Variants in PCSK5 observed in about 807,000 individuals in gnomAD.
PCSK5 encodes the protein proprotein convertase subtilisin/kexin type 5, also known as prohormone convertase 5.
In PCSK5, 129 loss-of-function variants were observed where a neutral mutation model predicts 233.2. That is an observed-to-expected ratio of 0.55 (90% CI 0.48 to 0.64). The LOEUF (loss-of-function observed/expected upper bound fraction) is 0.64. Ranked by LOEUF, PCSK5 falls within the 30% of genes least tolerant of loss-of-function variation. The probability of loss-of-function intolerance (pLI) is 0.00; values close to 1 mark genes in which losing one functional copy is unlikely to be tolerated. For missense variants in PCSK5, 2,076 were observed against 2,430.1 expected (o/e 0.85, Z 3.06); for synonymous variants, 825 against 879.2 (o/e 0.94, Z 1.09).
At chr9:76,000,881 G>T (rs1827231724) in intron 3 of PCSK5, among the ~76,000 whole-genome samples, 1 of 150,622 alleles carries the variant, frequency 6.6e-6, no homozygotes, top group South Asian at 2.1e-4. Flanking sequence ...TGTGTTCCAG[G>T]CCTGGAATCA....
At chr9:76,046,160 GTTTTTTTTTTTTTTTTTTTTT>G (rs71372041) in intron 5 of PCSK5, among the ~76,000 whole-genome samples, 2 of 58,024 alleles carry the variant, frequency 3.4e-5, no homozygotes, top group Admixed American at 2.6e-4. Context: ...TTTTTCTTTT[GTTTTTTTTTTTTTTTTTTTTT>G]TTTTTTTTTT....
chr9:76,078,555 C>G (rs899565859), intron 7 of PCSK5, among the ~76,000 whole-genome samples: 1 of 152,006 alleles, frequency 6.6e-6, no homozygotes, highest in South Asian at 2.1e-4. Context: ...ATTACTTATC[C>G]CAGCGCCATT....
At chr9:76,144,360 A>G (rs1823353880) in intron 10 of PCSK5, among the ~76,000 whole-genome samples, 1 of 152,218 alleles carries the variant, frequency 6.6e-6, no homozygotes, top group African/African-American at 2.4e-5. Context: ...GTGCAATTCT[A>G]TGCATCTTAG....
chr9:76,114,269 C>A (rs562717282), intron 9 of PCSK5, among the ~76,000 whole-genome samples: 4 of 152,116 alleles, frequency 2.6e-5, no homozygotes, highest in Non-Finnish European at 4.4e-5. Context: ...GATGTACTGT[C>A]CTGAACTATT....
intron 9 of PCSK5, among the ~76,000 whole-genome samples, chr9:76,110,041 C>A (rs1202754399): frequency 6.6e-6 from 1 of 152,196 alleles, no homozygotes. Context: ...CCACCCCTTG[C>A]AATCTCCTCT....
chr9:76,158,920 A>C, intron 11 of PCSK5, 63 bp from the exon 12 acceptor site: 1 of 1,360,342 alleles, frequency 7.4e-7, no homozygotes. Flanking sequence ...CCATGCCTCC[A>C]GGTTCACTCA....
At chr9:75,928,055 CAG>C (rs1255291263) in intron 1 of PCSK5, among the ~76,000 whole-genome samples, 2 of 152,096 alleles carry the variant, frequency 1.3e-5, no homozygotes, top group African/African-American at 4.8e-5. Context: ...AAAAACTTGA[CAG>C]AATTAGGAAC....
intron 5 of PCSK5, among the ~76,000 whole-genome samples, chr9:76,040,741 A>C (rs1829083382): frequency 6.6e-6 from 1 of 152,178 alleles, no homozygotes; most frequent in East Asian, 1.9e-4. Context: ...TAGTGTTTAT[A>C]AGCAATAAAC....
intron 24 of PCSK5, among the ~76,000 whole-genome samples, chr9:76,284,904 T>C (rs1828014518): frequency 6.6e-6 from 1 of 152,162 alleles, no homozygotes; most frequent in Non-Finnish European, 1.5e-5. Flanking sequence ...ACTAATACAT[T>C]CATGCACTAG....
intron 20 of PCSK5, among the ~76,000 whole-genome samples, chr9:76,196,400 T>C (rs184720804): frequency 5.3e-5 from 8 of 152,360 alleles, no homozygotes; most frequent in Admixed American, 3.3e-4. Flanking sequence ...GATTTTTGTC[T>C]AAAATAAATC....
At chr9:75,895,741 T>C (rs761222977) in intron 1 of PCSK5, among the ~76,000 whole-genome samples, 1 of 152,188 alleles carries the variant, frequency 6.6e-6, no homozygotes, top group Non-Finnish European at 1.5e-5. Flanking sequence ...TTATTTTTTA[T>C]TCTGAGTGTA....
intron 5 of PCSK5, among the ~76,000 whole-genome samples, chr9:76,056,538 T>C (rs939465597): frequency 4.6e-5 from 7 of 152,238 alleles, no homozygotes; most frequent in Admixed American, 2.6e-4. Context: ...CTTTCTCATC[T>C]GATTTTCCAT....
At chr9:76,262,099 T>C (rs1232569869) in intron 24 of PCSK5, among the ~76,000 whole-genome samples, 3 of 152,202 alleles carry the variant, frequency 2.0e-5, no homozygotes, top group Non-Finnish European at 4.4e-5. Flanking sequence ...TCAAAGGGAA[T>C]GCTTCTAGCT....
chr9:75,984,374 C>T (rs559891444), intron 2 of PCSK5, among the ~76,000 whole-genome samples: 3 of 152,238 alleles, frequency 2.0e-5, no homozygotes, highest in South Asian at 4.2e-4. Flanking sequence ...TGATACTTTC[C>T]GGTTTATGCA....
At chr9:76,046,553 C>CT (rs1450481506) in intron 5 of PCSK5, among the ~76,000 whole-genome samples, 5 of 117,868 alleles carry the variant, frequency 4.2e-5, no homozygotes, top group Admixed American at 2.5e-4. Context: ...TTTTTTCTTT[C>CT]TTTTTCTTTT....
chr9:76,338,279 T>C lies in PCSK5; in HGVS notation c.4798T>C (p.Cys1600Arg). 6.2e-7 allele frequency: 1 copy of C among 1,612,710 alleles called. No homozygotes were observed. The highest frequency in any genetic ancestry group is 8.5e-7 in the Non-Finnish European group (1 of 1,179,800). The change falls in exon 35 of 38, where the codon TGC (cysteine) becomes CGC (arginine). Residue 1600 changes from cysteine to arginine, a missense_variant. Physicochemically the swap from Cys to Arg is radical, Grantham distance 180. Transcript: ENST00000674117. ...CCGGTGTGAGAGGTGCAACAGGAGC[T>C]GCAAGGGGTGCCAGGGCCCACGGCC... is the stretch of plus-strand genomic sequence containing the variant. ...TGRCERCNRS[C>R]KGCQGPRPTD...
At chr9:75,933,408 G>A (rs969802628) in intron 2 of PCSK5, among the ~76,000 whole-genome samples, 1 of 152,032 alleles carries the variant, frequency 6.6e-6, no homozygotes, top group Non-Finnish European at 1.5e-5. Context: ...CCCTCCTTAC[G>A]ATTTGGGTTT....
At chr9:76,152,166 C>T (rs546763122) in intron 10 of PCSK5, among the ~76,000 whole-genome samples, 19 of 152,276 alleles carry the variant, frequency 1.2e-4, no homozygotes, top group African/African-American at 4.6e-4. Flanking sequence ...TACTCTCTCT[C>T]TCTCCATAGT....
At chr9:75,919,156 G>A (rs1395875893) in intron 1 of PCSK5, among the ~76,000 whole-genome samples, 1 of 152,196 alleles carries the variant, frequency 6.6e-6, no homozygotes, top group African/African-American at 2.4e-5. Flanking sequence ...CTTGGCAGCT[G>A]CTAATGTGTG....
Sources: gnomAD v4.1 joint callset for allele counts (sites outside exome capture counted in the v4.1 genomes callset) on GRCh38, gnomAD v4.1.1 for gene constraint, MANE v1.5 for transcripts, NCBI Gene and HGNC (gene_info 2026-07-23, HGNC 2026-07-21) for gene names.